The following KCNT2 variants were observed in gnomAD, a reference collection of about 807,000 sequenced individuals.
KCNT2 encodes the protein potassium sodium-activated channel subfamily T member 2, also known as potassium channel subfamily T member 2.
KCNT2 carries 67 observed loss-of-function variants against 153.8 expected under a neutral mutation model. The ratio of observed to expected loss-of-function variants is 0.44; its 90% CI spans 0.36 to 0.53. The LOEUF (loss-of-function observed/expected upper bound fraction) is 0.53. Ranked by LOEUF, KCNT2 falls within the 20% of genes least tolerant of loss-of-function variation. KCNT2 has a pLI of 0.00. For missense variants in KCNT2, 975 were observed against 1,354.8 expected (o/e 0.72, Z 4.40); for synonymous variants, 500 against 458.8 (o/e 1.09, Z -1.15).
At position 196,228,230 on chromosome 1, in the gene KCNT2, T is replaced by G; in HGVS notation, c.3402A>C (p.Gln1134His). Residue 1134 changes from glutamine to histidine, a missense_variant, in exon 28 of 28, where the codon CAA (glutamine) becomes CAC (histidine). Physicochemically the swap from Gln to His is conservative, Grantham distance 24 (BLOSUM62 0). Transcript: ENST00000294725. ...GTTTCTCATTTTATTTTTATCAAAG[T>G]TGAGTTTCCTCCCGAGAATCTTGAC... The part of the protein sequence containing the change: ...VTGQDSREET[Q>H]L 3.1e-6 allele frequency: 5 copies of G among 1,596,434 alleles called. No homozygotes were observed. Among genetic ancestry groups the G allele is most frequent in the Non-Finnish European group, 3.4e-6 (4 of 1,165,648 alleles).
chr1:196,508,990 C>G (rs543059302), intron 1 of KCNT2, among the ~76,000 whole-genome samples: 1 of 152,050 alleles, frequency 6.6e-6, no homozygotes, highest in African/African-American at 2.4e-5. Context: ...TTCAAAGGAC[C>G]GGGCACAGTT....
chr1:196,399,274 A>G (rs1186004683), intron 12 of KCNT2, among the ~76,000 whole-genome samples: 1 of 151,708 alleles, frequency 6.6e-6, no homozygotes, highest in African/African-American at 2.4e-5. Flanking sequence ...CCATAAATTC[A>G]ATGAATTGAA....
intron 5 of KCNT2, among the ~76,000 whole-genome samples, chr1:196,475,575 T>C (rs1678463129): frequency 6.6e-6 from 1 of 151,696 alleles, no homozygotes; most frequent in African/African-American, 2.4e-5. Context: ...GCCACTGCAC[T>C]CCAGCCTGAG....
chr1:196,590,335 T>G lies in KCNT2; in HGVS notation c.95+17880A>C, dbSNP rs111427286. Among the ~76,000 whole-genome samples, 234 of 152,284 alleles carry G rather than the reference T, an allele frequency of 1.5e-3. 2 individuals carry two copies. Among genetic ancestry groups the G allele is most frequent in the African/African-American group, 5.4e-3 (226 of 41,574 alleles). On this transcript the variant is annotated intron_variant, in intron 1 of 27. Coordinates refer to ENST00000294725, the MANE Select transcript of KCNT2 (RefSeq NM_198503.5). ...AAAAGAACTGTATAGAAATCCCACA[T>G]CTGCCACAGGTGATCAGCAGATGCC... is the stretch of plus-strand genomic sequence containing the variant.
At chr1:196,501,018 G>A (rs1680655114) in intron 1 of KCNT2, among the ~76,000 whole-genome samples, 1 of 152,134 alleles carries the variant, frequency 6.6e-6, no homozygotes, top group African/African-American at 2.4e-5. Flanking sequence ...CCTTATACCA[G>A]TAAGAATGGC....
At chr1:196,415,758 G>A (rs970436429) in intron 12 of KCNT2, among the ~76,000 whole-genome samples, 2 of 151,798 alleles carry the variant, frequency 1.3e-5, no homozygotes, top group African/African-American at 4.8e-5. Context: ...ATGAACATGA[G>A]TTTTTCTTCC....
chr1:196,320,823 C>T (rs577442120), intron 19 of KCNT2, among the ~76,000 whole-genome samples: 3 of 151,694 alleles, frequency 2.0e-5, no homozygotes, highest in South Asian at 2.1e-4. Flanking sequence ...TTACATCTTA[C>T]GAATGTACCA....
chr1:196,283,898 G>A (rs578214976), intron 23 of KCNT2, among the ~76,000 whole-genome samples: 24 of 151,914 alleles, frequency 1.6e-4, no homozygotes, highest in African/African-American at 5.8e-4. Flanking sequence ...ACAAATGCAG[G>A]TATGTATTGA....
intron 1 of KCNT2, among the ~76,000 whole-genome samples, chr1:196,562,283 T>C (rs554097688): frequency 2.6e-5 from 4 of 151,982 alleles, no homozygotes; most frequent in Non-Finnish European, 5.9e-5. Flanking sequence ...CAGGCTGGAA[T>C]TTGGTACCTT....
At chr1:196,562,263 A>G (rs1359739514) in intron 1 of KCNT2, among the ~76,000 whole-genome samples, 1 of 151,994 alleles carries the variant, frequency 6.6e-6, no homozygotes, top group African/African-American at 2.4e-5. Context: ...TCATGACACT[A>G]TACTAGTGTC....
chr1:196,558,908 G>C (rs567318140), intron 1 of KCNT2, among the ~76,000 whole-genome samples: 4 of 151,324 alleles, frequency 2.6e-5, no homozygotes, highest in Non-Finnish European at 5.9e-5. Flanking sequence ...TTTAAGAAAA[G>C]GTGTAATATC....
At chr1:196,408,094 C>G (rs920791074) in intron 12 of KCNT2, among the ~76,000 whole-genome samples, 1 of 151,444 alleles carries the variant, frequency 6.6e-6, no homozygotes, top group African/African-American at 2.4e-5. Flanking sequence ...CTGGAGCCTC[C>G]CTCTGCCCTG....
chr1:196,344,560 C>T (rs574933477), intron 14 of KCNT2, among the ~76,000 whole-genome samples: 1 of 152,270 alleles, frequency 6.6e-6, no homozygotes, highest in African/African-American at 2.4e-5. Flanking sequence ...AAAACAGAAT[C>T]TATCTGAAAG....
intron 3 of KCNT2, among the ~76,000 whole-genome samples, chr1:196,486,358 T>G (rs1016585448): frequency 3.3e-5 from 5 of 151,992 alleles, no homozygotes; most frequent in African/African-American, 1.2e-4. Flanking sequence ...TATATATCAT[T>G]TAGTTATTCT....
intron 12 of KCNT2, among the ~76,000 whole-genome samples, chr1:196,420,488 G>A (rs1673109926): frequency 6.6e-6 from 1 of 151,770 alleles, no homozygotes; most frequent in Non-Finnish European, 1.5e-5. Flanking sequence ...AAAGAGGTTA[G>A]GAGTTGAGTG....
intron 12 of KCNT2, among the ~76,000 whole-genome samples, chr1:196,412,519 A>T (rs2148488284): frequency 6.6e-6 from 1 of 151,832 alleles, no homozygotes; most frequent in African/African-American, 2.4e-5. Flanking sequence ...GCAACAGATT[A>T]CATCAGTTAG....
intron 1 of KCNT2, among the ~76,000 whole-genome samples, chr1:196,591,806 G>A (rs1275223734): frequency 2.6e-5 from 4 of 152,152 alleles, no homozygotes; most frequent in Non-Finnish European, 5.9e-5. Context: ...GCACAGAGGA[G>A]CTGACCCTGG....
In KCNT2 at chr1:196,467,777, G is replaced by T. The variant is rs1187743818; in HGVS notation, c.469C>A (p.Pro157Thr). ...GGGACAAATAGATTCCTTAAGGAAG[G>T]CCAGAATATCTGGAAAACAAAACAA... The part of the protein sequence containing the change: ...AVPFIISIFW[P>T]SLRNLFVPVF... The change falls in exon 7 of 28, where the codon CCT (proline) becomes ACT (threonine). Residue 157 changes from proline (P) to threonine (T), a missense_variant. This residue lies in a region of KCNT2 where 140 missense variants were observed against 216.0 expected (regional missense o/e 0.65). Transcript: ENST00000294725. The T allele has an allele frequency of 1.9e-6, 3 of 1,598,192 alleles. No individual in the cohort carries two copies. The highest frequency in any genetic ancestry group is 1.7e-6 in the Non-Finnish European group (2 of 1,169,210).
At chr1:196,513,466 G>A (rs1681799805) in intron 1 of KCNT2, among the ~76,000 whole-genome samples, 2 of 152,080 alleles carry the variant, frequency 1.3e-5, no homozygotes, top group South Asian at 4.1e-4. Context: ...GATTTGCTGG[G>A]GATAATATGA....
Sources: gnomAD v4.1 joint callset for allele counts (sites outside exome capture counted in the v4.1 genomes callset) on GRCh38, gnomAD v4.1.1 for gene constraint, gnomAD v4.1.1 regional missense constraint, MANE v1.5 for transcripts, NCBI Gene and HGNC (gene_info 2026-07-23, HGNC 2026-07-21) for gene names.